LRRC4B: variants seen among roughly 807,000 people sequenced by gnomAD.
LRRC4B encodes the protein leucine-rich repeat-containing protein 4B.
Under a neutral mutation model 7.3 loss-of-function variants are expected in LRRC4B, and 1 was observed. The observed-to-expected ratio is 0.14, with a 90% CI of 0.05 to 0.65. LRRC4B has a LOEUF of 0.65. LRRC4B is among the 30% of genes least tolerant of loss of function. The pLI, the probability that LRRC4B is intolerant of heterozygous loss-of-function variation, is 0.84. For synonymous variants in LRRC4B, 500 were observed against 499.2 expected (o/e 1.00, Z -0.02); for missense variants, 730 against 1,041.6 (o/e 0.70, Z 4.12).
At chr19:50,547,234 G>A (rs12976296) in intron 2 of LRRC4B, among the ~76,000 whole-genome samples, 6 of 152,152 alleles carry the variant, frequency 3.9e-5, no homozygotes, top group Non-Finnish European at 8.8e-5. Context: ...AAGGCCCTGC[G>A]GGAGCGGGGG....
intron 1 of LRRC4B, among the ~76,000 whole-genome samples, chr19:50,550,285 G>A (rs1047849451): frequency 6.6e-6 from 1 of 152,150 alleles, no homozygotes; most frequent in Non-Finnish European, 1.5e-5. Context: ...TCCTTTGCAC[G>A]CAGCATCTCT....
At chr19:50,526,953 A>G (rs1429879448) in intron 2 of LRRC4B, among the ~76,000 whole-genome samples, 1 of 150,764 alleles carries the variant, frequency 6.6e-6, no homozygotes, top group South Asian at 2.1e-4. Context: ...TCCCGGGTTC[A>G]TGCAATTCTC....
At chr19:50,521,332 T>C (rs543677483) in intron 2 of LRRC4B, among the ~76,000 whole-genome samples, 5 of 152,070 alleles carry the variant, frequency 3.3e-5, no homozygotes, top group Non-Finnish European at 7.4e-5. Flanking sequence ...AGGTGCTACA[T>C]TGGCGTGGTG....
At chr19:50,542,869 A>G (rs529890284) in intron 2 of LRRC4B, among the ~76,000 whole-genome samples, 3 of 152,254 alleles carry the variant, frequency 2.0e-5, no homozygotes, top group African/African-American at 7.2e-5. Flanking sequence ...CTCTCACCAA[A>G]GATGAATGGC....
intron 2 of LRRC4B, among the ~76,000 whole-genome samples, chr19:50,531,316 G>A (rs1308513753): frequency 1.3e-5 from 2 of 152,234 alleles, no homozygotes; most frequent in African/African-American, 2.4e-5. Context: ...CGTGCACCTG[G>A]GGCTCCAGCC....
intron 2 of LRRC4B, among the ~76,000 whole-genome samples, chr19:50,535,458 C>T (rs1239368639): frequency 6.6e-6 from 1 of 152,330 alleles, no homozygotes; most frequent in South Asian, 2.1e-4. Context: ...AGACGTGAAC[C>T]ACTGCACTCG....
At chr19:50,559,638 T>C (rs1349234007) in intron 1 of LRRC4B, among the ~76,000 whole-genome samples, 2 of 152,306 alleles carry the variant, frequency 1.3e-5, no homozygotes, top group East Asian at 3.9e-4. Context: ...GGGAGGGGCG[T>C]GGCCCCCGCC....
intron 2 of LRRC4B, among the ~76,000 whole-genome samples, chr19:50,541,280 G>T (rs1252758380): frequency 6.7e-6 from 1 of 149,930 alleles, no homozygotes; most frequent in Non-Finnish European, 1.5e-5. Context: ...CAGGAGAATC[G>T]CTTGAACCTG....
intron 2 of LRRC4B, among the ~76,000 whole-genome samples, chr19:50,539,627 A>C (rs1292827538): frequency 6.6e-6 from 1 of 151,932 alleles, no homozygotes; most frequent in Non-Finnish European, 1.5e-5. Context: ...GGTGGCTCAC[A>C]CATGTAATCC....
chr19:50,522,466 AT>A lies in LRRC4B; in HGVS notation c.298-3052del, dbSNP rs769636497. Among the ~76,000 whole-genome samples the A allele has an allele frequency of 2.8e-5, 3 of 107,424 alleles. No homozygotes were observed. The Admixed American group carries it at 3.1e-4, about 11-fold the overall frequency. 70.5% of individuals were successfully genotyped at this position (107,424 alleles called of 152,430 possible). A position where few individuals can be genotyped will look rare whatever the true frequency, so the allele number is the denominator to read the frequency against. Reference sequence around the variant, plus strand: ...TGTGAAGCTATTTTATTTATTATTTATTTATTTATTTATTTATTTATTTATT... The same window carrying A: ...TGTGAAGCTATTTTATTTATTATTTATTATTTATTTATTTATTTATTTATT... On this transcript the variant is annotated intron_variant, in intron 2 of 2. Coordinates refer to ENST00000652263, the MANE Select transcript of LRRC4B (RefSeq NM_001080457.2).
chr19:50,552,717 C>T lies in LRRC4B; in HGVS notation c.-35-3844G>A, dbSNP rs539360629. On this transcript the variant is annotated intron_variant, in intron 1 of 2. Transcript: ENST00000652263. ...CCATCCATCCGCCCATCCGTCCATCCGTCTATCCATCCGTCCTTCCATCCC... is the reference window on the plus strand; with the variant it reads ...CCATCCATCCGCCCATCCGTCCATCTGTCTATCCATCCGTCCTTCCATCCC... 9.8e-4 allele frequency among the ~76,000 whole-genome samples: 149 copies of T among 151,580 alleles called. 1 individual carries two copies. The highest frequency in any genetic ancestry group is 3.4e-3 in the African/African-American group (141 of 41,224).
chr19:50,517,616 G>T lies in LRRC4B; in HGVS notation c.2097C>A (p.Leu699=). Residue 699 remains leucine (L), a synonymous_variant, in exon 3 of 3, where the codon CTC becomes CTA. Coordinates refer to ENST00000652263, the MANE Select transcript of LRRC4B (RefSeq NM_001080457.2). This position sits in a 1 kb window ranked among gnomAD's most constrained non-coding sequence, Gnocchi z 6.6. ...PGLNSIHEPL[L]FKSGSKENVQ... is the part of the protein sequence containing the mutation. ...CGTTCTCCTTGGAGCCGCTCTTGAA[G>T]AGCAGAGGTTCGTGGATGGAGTTGA... The T allele has an allele frequency of 6.8e-7, 1 of 1,475,854 alleles. No homozygotes were observed. The highest frequency in any genetic ancestry group is 2.6e-5 in the East Asian group (1 of 39,186). 91.4% of individuals were successfully genotyped at this position (1,475,854 alleles called of 1,614,324 possible).
At chr19:50,531,083 G>A (rs562059528) in intron 2 of LRRC4B, among the ~76,000 whole-genome samples, 81 of 152,286 alleles carry the variant, frequency 5.3e-4, no homozygotes, top group African/African-American at 1.9e-3. Context: ...ATGGCTCAGC[G>A]AGGCCACATG....
At position 50,517,604 on chromosome 19, in the gene LRRC4B, G is replaced by T; in HGVS notation, c.2109C>A (p.Gly703=). Residue 703 remains glycine (G), a synonymous_variant, in exon 3 of 3, where the codon GGC becomes GGA. Transcript: ENST00000652263. This position sits in a 1 kb window ranked among gnomAD's most constrained non-coding sequence, Gnocchi z 6.6. ...SIHEPLLFKS[G]SKENVQETQI is the part of the protein sequence containing the mutation. ...GCGTCTCTTGCACGTTCTCCTTGGA[G>T]CCGCTCTTGAAGAGCAGAGGTTCGT... 6.8e-7 allele frequency: 1 copy of T among 1,464,144 alleles called. No homozygotes were observed. The highest frequency in any genetic ancestry group is 9.0e-7 in the Non-Finnish European group (1 of 1,109,170). 90.7% of individuals were successfully genotyped at this position (1,464,144 alleles called of 1,614,324 possible). A position where few individuals can be genotyped will look rare whatever the true frequency, so the allele number is the denominator to read the frequency against.
intron 2 of LRRC4B, among the ~76,000 whole-genome samples, chr19:50,528,498 C>T (rs1224982859): frequency 6.6e-6 from 1 of 152,160 alleles, no homozygotes; most frequent in Non-Finnish European, 1.5e-5. Context: ...GTGTGCACCA[C>T]CACGCCCAGC....
Position 50,518,267 on chromosome 19 carries a change from G to GCCACTGCCCCCTCCAACACCA in LRRC4B, c.1425_1445dup (p.Val477_Gly483dup), listed in dbSNP as rs1253079900. ...TCACCGTGGTGAAGTAGGTGTAGCC[G>GCCACTGCCCCCTCCAACACCA]CCACTGCCCCCTCCAACACCACCAC... On this transcript the variant is annotated inframe_insertion, in exon 3 of 3. Transcript: ENST00000652263. 1.9e-6 allele frequency: 3 copies of GCCACTGCCCCCTCCAACACCA among 1,600,286 alleles called. No homozygotes were observed. The highest frequency in any genetic ancestry group is 1.7e-5 in the Admixed American group (1 of 58,310).
rs767432393 is a variant in LRRC4B, at chr19:50,522,155, G to A, written c.298-2740C>T. Among the ~76,000 whole-genome samples the A allele has an allele frequency of 2.1e-4, 32 of 152,058 alleles. 1 individual carries two copies. Among genetic ancestry groups the A allele is most frequent in the African/African-American group, 5.3e-4 (22 of 41,416 alleles). Reference sequence around the variant, plus strand: ...ATCGTGCCACTGAGCTCCAGCCTGCGTGACAGAGGGAGATCCCGTCCCCAA... The same window carrying A: ...ATCGTGCCACTGAGCTCCAGCCTGCATGACAGAGGGAGATCCCGTCCCCAA... On this transcript the variant is annotated intron_variant, in intron 2 of 2. Transcript: ENST00000652263.
rs1243714999 is a variant in LRRC4B at position 50,555,355 on chromosome 19, A to G, written c.-35-6482T>C. 1 of 152,464 alleles carries G rather than the reference A, an allele frequency of 6.6e-6. No homozygotes were observed. Among genetic ancestry groups the G allele is most frequent in the African/African-American group, 2.4e-5 (1 of 41,452 alleles). 9.4% of individuals were successfully genotyped at this position (152,464 alleles called of 1,614,324 possible). On this transcript the variant is annotated intron_variant, in intron 1 of 2. Transcript: ENST00000652263. The surrounding 1 kb of genome is among the most constrained non-coding windows in gnomAD (Gnocchi z 5.2). ...TCTCCCACCGCAGCTGCCCCGGGAG[A>G]GGACCCATCACAAGGGTACACCTGT...
chr19:50,536,673 G>A (rs753467012), intron 2 of LRRC4B, among the ~76,000 whole-genome samples: 67 of 152,192 alleles, frequency 4.4e-4, no homozygotes, highest in Non-Finnish European at 8.4e-4. Flanking sequence ...GACTCGCCAC[G>A]GGGTGGTGAC....
Sources: allele counts gnomAD v4.1 joint callset (sites outside exome capture counted in the v4.1 genomes callset), GRCh38; gene constraint gnomAD v4.1.1; non-coding constraint Gnocchi (gnomAD v3.1); transcripts MANE v1.5; gene names NCBI Gene and HGNC (gene_info 2026-07-23, HGNC 2026-07-21).